The following VWF variants were observed in gnomAD, a reference collection of about 807,000 sequenced individuals.
The protein encoded by VWF is von Willebrand factor.
In VWF, 176 loss-of-function variants were observed where a neutral mutation model predicts 308.6. The observed-to-expected ratio is 0.57, with a 90% CI of 0.50 to 0.65. VWF has a LOEUF of 0.65. VWF is among the 30% of genes least tolerant of loss of function. The probability of loss-of-function intolerance (pLI) is 0.00; values close to 1 mark genes in which losing one functional copy is unlikely to be tolerated. For missense variants in VWF, 3,146 were observed against 3,648.2 expected, an observed-to-expected ratio of 0.86 and a Z score of 3.55; for synonymous variants, 1,385 against 1,443.4, an observed-to-expected ratio of 0.96 and a Z score of 0.92.
intron 18 of VWF, among the ~76,000 whole-genome samples, chr12:6,041,354 T>C (rs1944393969): frequency 6.6e-6 from 1 of 151,042 alleles, no homozygotes; most frequent in African/African-American, 2.4e-5. Context: ...CACTAGAACC[T>C]GGGAGGTGGG....
chr12:6,043,106 G>A (rs1337389698), intron 18 of VWF, among the ~76,000 whole-genome samples: 1 of 152,130 alleles, frequency 6.6e-6, no homozygotes, highest in Non-Finnish European at 1.5e-5. Context: ...CAGTTCAAAG[G>A]TGCTCATTGG....
rs62643641 is a variant in VWF at position 5,976,227 on chromosome 12, C to T, written c.7321G>A (p.Gly2441Ser). ...TCGCAGCCCTCCTCCCAGAACTGGC[C>T]CACAGGGTAGATGGTGCTTCGGTGG... The part of the protein sequence containing the change: ...CVHRSTIYPV[G>S]QFWEEGCDVC... Residue 2441 changes from glycine (G) to serine (S), a missense_variant, in exon 43 of 52, where the codon GGC becomes AGC. Gly to Ser is a moderately conservative substitution (Grantham distance 56). Transcript: ENST00000261405. 7 of 1,613,970 alleles carry T rather than the reference C, an allele frequency of 4.3e-6. No individual in the cohort carries two copies. The highest frequency in any genetic ancestry group is 5.9e-6 in the Non-Finnish European group (7 of 1,180,030).
intron 21 of VWF, among the ~76,000 whole-genome samples, chr12:6,029,707 G>T (rs914023260): frequency 2.0e-5 from 3 of 152,132 alleles, no homozygotes; most frequent in African/African-American, 7.2e-5. Flanking sequence ...AGGCATCCAT[G>T]ACCAAGAGAC....
chr12:5,969,374 G>A lies in VWF; in HGVS notation c.7566C>T (p.Ala2522=). ...SSWKSVGSQW[A]SPENPCLINE... ...TGATGAGGCAGGGGTTCTCCGGGGA[G>A]GCCCACTGGGAGCCGACCTGCAGGG... The change falls in exon 45 of 52, where the codon GCC becomes GCT. Residue 2522 remains alanine, a synonymous_variant. Coordinates refer to ENST00000261405, the MANE Select transcript of VWF (RefSeq NM_000552.5). 2 of 1,614,224 alleles carry A rather than the reference G, an allele frequency of 1.2e-6. No individual in the cohort carries two copies. The highest frequency in any genetic ancestry group is 1.7e-6 in the Non-Finnish European group (2 of 1,180,044).
Position 6,063,201 on chromosome 12 carries a change from G to C in VWF, c.1433-147C>G, listed in dbSNP as rs189127125. 6.7e-4 allele frequency: 477 copies of C among 714,130 alleles called. 3 individuals are homozygous for C. The highest frequency in any genetic ancestry group is 5.6e-3 in the African/African-American group (324 of 57,912). The allele number at this position is 714,130 out of a possible 1,614,324, so 44.2% of individuals were successfully genotyped here. On this transcript the variant is annotated intron_variant, in intron 12 of 51. Transcript: ENST00000261405. This position sits in a 1 kb window ranked among gnomAD's most constrained non-coding sequence, Gnocchi z 4.9. ...TAGGGGCAGATGGGGTGGCCATGAG[G>C]TTTAAGGGGGTGTCAGGAGGAAGGG...
At position 6,124,491 on chromosome 12, in the gene VWF, C is replaced by G. The variant is rs1364110955; in HGVS notation, c.-71G>C. ...AAACTCAGCTGCTGGACAATGGTGC[C>G]GCCCACCCTAGGCCATGCTCTCAGC... On this transcript the variant is annotated 5_prime_UTR_variant, in exon 1 of 52. Coordinates refer to ENST00000261405, the MANE Select transcript of VWF (RefSeq NM_000552.5). 2 of 152,642 alleles carry G rather than the reference C, an allele frequency of 1.3e-5. No homozygotes were observed. The highest frequency in any genetic ancestry group is 6.5e-5 in the Admixed American group (1 of 15,286). The allele number at this position is 152,642 out of a possible 1,614,324, so 9.5% of individuals were successfully genotyped here.
At chr12:5,992,288 A>G (rs1187792266) in intron 37 of VWF, among the ~76,000 whole-genome samples, 2 of 152,252 alleles carry the variant, frequency 1.3e-5, no homozygotes, top group African/African-American at 4.8e-5. Context: ...AAGAAAGTAT[A>G]GTATCCCATG....
At chr12:5,975,983 T>G in intron 43 of VWF, 128 bp downstream of exon 43, 2 of 1,385,144 alleles carry the variant, frequency 1.4e-6, no homozygotes, top group Middle Eastern at 2.5e-4. Context: ...GCCACTGCAC[T>G]CCAGCCTGGG....
At chr12:5,980,086 GAAA>G (rs1943581186) in intron 42 of VWF, among the ~76,000 whole-genome samples, 1 of 65,530 alleles carries the variant, frequency 1.5e-5, no homozygotes, top group Admixed American at 2.0e-4. Context: ...AGAAAGAAAA[GAAA>G]GAAAGGAAGG....
At chr12:5,955,266 T>G (rs1943234514) in intron 47 of VWF, among the ~76,000 whole-genome samples, 1 of 151,826 alleles carries the variant, frequency 6.6e-6, no homozygotes, top group African/African-American at 2.4e-5. Flanking sequence ...GTGCACAATG[T>G]GCAGGTTAGT....
Position 5,991,907 on chromosome 12 carries a change from C to G in VWF, c.6710G>C (p.Cys2237Ser). 1 of 1,614,206 alleles carries G rather than the reference C, an allele frequency of 6.2e-7. No individual in the cohort carries two copies. The highest frequency in any genetic ancestry group is 8.5e-7 in the Non-Finnish European group (1 of 1,180,042). ...TTCCAACATGACTTTATCTGGAGGG[C>G]AGAAACAGCCTTCGGAGGGATGGTC... ...CGDHPSEGCF[C>S]PPDKVMLEGS... The change falls in exon 38 of 52, where the codon TGC becomes TCC. Residue 2237 changes from cysteine to serine, a missense_variant. Coordinates refer to ENST00000261405, the MANE Select transcript of VWF (RefSeq NM_000552.5).
chr12:5,995,859 A>G lies in VWF; in HGVS notation c.6063+143T>C, dbSNP rs1278723594. On this transcript the variant is annotated intron_variant, in intron 35 of 51. Transcript: ENST00000261405. ...AAGGGGATGGCAATAAACCCCTCTA[A>G]GAAAGTGGTACTCCTCTCCTCCACT... 4 of 772,978 alleles carry G rather than the reference A, an allele frequency of 5.2e-6. No homozygotes were observed. In the South Asian group the frequency reaches 6.0e-5, roughly 12 times the overall value. The allele number at this position is 772,978 out of a possible 1,614,324, so 47.9% of individuals were successfully genotyped here. A position where few individuals can be genotyped will look rare whatever the true frequency, so the allele number is the denominator to read the frequency against.
chr12:5,995,965 A>G (rs1280393219), intron 35 of VWF, 37 bp downstream of exon 35: 6 of 1,599,502 alleles, frequency 3.8e-6, no homozygotes, highest in East Asian at 4.5e-5. Flanking sequence ...CTGACATTCT[A>G]TTGCCTTACC....
Position 5,967,486 on chromosome 12 carries a change from C to T in VWF, c.7887G>A (p.Leu2629=). Residue 2629 remains leucine (L), a splice_region_variant and synonymous_variant, in exon 47 of 52, where the codon CTG becomes CTA. Coordinates refer to ENST00000261405, the MANE Select transcript of VWF (RefSeq NM_000552.5). The stretch of plus-strand genomic sequence containing the variant: ...TCGGTCCCCATTGAGCCTCTCTTAC[C>T]AGGGGGCAGGGGTTGCAGGTGGTCT... The part of the protein sequence containing the change: ...CRKTTCNPCP[L]GYKEENNTGE... The T allele has an allele frequency of 6.2e-7, 1 of 1,614,100 alleles. No individual in the cohort carries two copies. Among genetic ancestry groups the T allele is most frequent in the Non-Finnish European group, 8.5e-7 (1 of 1,179,976 alleles).
intron 44 of VWF, 41 bp from the exon 45 acceptor site, chr12:5,969,432 C>T (rs1289828754): frequency 6.2e-7 from 1 of 1,612,910 alleles, no homozygotes; most frequent in South Asian, 1.1e-5. Context: ...TGGGGCAGGG[C>T]TGGAGCCCAG....
intron 11 of VWF, 124 bp from the exon 12 acceptor site, chr12:6,064,508 A>C: frequency 7.1e-7 from 1 of 1,403,294 alleles, no homozygotes; most frequent in Non-Finnish European, 9.7e-7. Context: ...ATAACCTACA[A>C]CTCCATTCTC....
intron 47 of VWF, among the ~76,000 whole-genome samples, chr12:5,966,520 C>A (rs2136353229): frequency 6.6e-6 from 1 of 152,288 alleles, no homozygotes; most frequent in East Asian, 1.9e-4. Context: ...CCATGAAGAA[C>A]ACAGATGTAG....
rs61748467 is a variant in VWF at position 6,046,725 on chromosome 12, C to A, written c.2279G>T (p.Arg760Leu). 2 of 1,614,006 alleles carry A rather than the reference C, an allele frequency of 1.2e-6. No homozygotes were observed. Among genetic ancestry groups the A allele is most frequent in the Admixed American group, 1.7e-5 (1 of 60,026 alleles). Residue 760 changes from arginine (R) to leucine (L), a missense_variant and splice_region_variant, in exon 17 of 52, where the codon CGC becomes CTC. By Grantham distance (102) the Arg-to-Leu change is moderately radical. Transcript: ENST00000261405. The surrounding 1 kb of genome is among the most constrained non-coding windows in gnomAD (Gnocchi z 5.0). Reference protein sequence around the residue: ...DAVLSSPLSHRSKRSLSCRPP... With the variant: ...DAVLSSPLSHLSKRSLSCRPP... Reference sequence around the variant, plus strand: ...CCTTCCAGGGGGACAGTACTCACTGCGATGAGACAGGGGACTGCTGAGGAC... The same window carrying A: ...CCTTCCAGGGGGACAGTACTCACTGAGATGAGACAGGGGACTGCTGAGGAC...
chr12:6,065,707 A>G (rs770511302), intron 10 of VWF, among the ~76,000 whole-genome samples: 1 of 151,964 alleles, frequency 6.6e-6, no homozygotes, highest in Admixed American at 6.6e-5. Context: ...GCCCAATAGC[A>G]CAGGGTTCTC....
Sources: allele counts gnomAD v4.1 joint callset (sites outside exome capture counted in the v4.1 genomes callset), GRCh38; gene constraint gnomAD v4.1.1; non-coding constraint Gnocchi (gnomAD v3.1); transcripts MANE v1.5; gene names NCBI Gene and HGNC (gene_info 2026-07-23, HGNC 2026-07-21).